Variants in BRIP1 observed in about 807,000 individuals in gnomAD.
BRIP1 encodes Fanconi anemia group J protein.
Under a neutral mutation model 119.7 loss-of-function variants are expected in BRIP1, and 88 were observed. That is an observed-to-expected ratio of 0.74 (90% CI 0.62 to 0.88). The LOEUF is 0.88. BRIP1 is among the 40% of genes least tolerant of loss of function. The probability of loss-of-function intolerance (pLI) is 0.00; values close to 1 mark genes in which losing one functional copy is unlikely to be tolerated. For synonymous variants in BRIP1, 443 were observed against 496.5 expected, an observed-to-expected ratio of 0.89 and a Z score of 1.43; for missense variants, 1,259 against 1,455.4, an observed-to-expected ratio of 0.87 and a Z score of 2.20.
intron 14 of BRIP1, among the ~76,000 whole-genome samples, chr17:61,772,832 A>AAAC (rs2077477755): frequency 6.6e-6 from 1 of 151,268 alleles, no homozygotes. Flanking sequence ...AAAAAAAAAA[A>AAAC]AAAAAAAAAA....
In BRIP1 at chr17:61,793,229, G is replaced by T. The variant is rs1567824702; in HGVS notation, c.1473+368C>A. 6.6e-6 allele frequency among the ~76,000 whole-genome samples: 1 copy of T among 151,894 alleles called. No homozygotes were observed. Among genetic ancestry groups the T allele is most frequent in the Non-Finnish European group, 1.5e-5 (1 of 67,970 alleles). ...CTCATGATCTCTCCATGAATATCAG[G>T]TTTATAATTTCTAAATTAAGATGAA... is the stretch of plus-strand genomic sequence containing the variant. On this transcript the variant is annotated intron_variant, in intron 10 of 19. Coordinates refer to ENST00000259008, the MANE Select transcript of BRIP1 (RefSeq NM_032043.3). The surrounding 1 kb of genome is among the most constrained non-coding windows in gnomAD (Gnocchi z 5.2).
chr17:61,859,244 C>G (rs918922542), intron 3 of BRIP1, among the ~76,000 whole-genome samples: 1 of 152,042 alleles, frequency 6.6e-6, no homozygotes, highest in Non-Finnish European at 1.5e-5. Flanking sequence ...GATTTCCCCC[C>G]CCAAAAAAAG....
chr17:61,718,445 A>G (rs185521523), intron 16 of BRIP1, among the ~76,000 whole-genome samples: 21 of 152,300 alleles, frequency 1.4e-4, no homozygotes, highest in African/African-American at 4.6e-4. Context: ...CTTTGTAAGC[A>G]CTAGGAAGTT....
chr17:61,711,689 C>T (rs924571179), intron 17 of BRIP1, among the ~76,000 whole-genome samples: 12 of 151,696 alleles, frequency 7.9e-5, no homozygotes, highest in African/African-American at 2.2e-4. Flanking sequence ...GCCAACATAG[C>T]GAAACCCGTC....
rs1034289021 is a variant in BRIP1 at position 61,691,951 on chromosome 17, C to G, written c.2575+1479G>C. ...ATAATAGAGAGCTCAGAAGCAGATC[C>G]ACACATATATGGTCAGCGGATCTTC... On this transcript the variant is annotated intron_variant, in intron 18 of 19. Coordinates refer to ENST00000259008, the MANE Select transcript of BRIP1 (RefSeq NM_032043.3). The surrounding 1 kb of genome is among the most constrained non-coding windows in gnomAD (Gnocchi z 5.0). Among the ~76,000 whole-genome samples the G allele has an allele frequency of 6.6e-6, 1 of 151,332 alleles. No homozygotes were observed. The highest frequency in any genetic ancestry group is 2.4e-5 in the African/African-American group (1 of 41,120).
rs1392207473 is a variant in BRIP1 at position 61,739,917 on chromosome 17, AAT to A, written c.2379+3094_2379+3095del. On this transcript the variant is annotated intron_variant, in intron 16 of 19. Transcript: ENST00000259008. The surrounding 1 kb of genome is among the most constrained non-coding windows in gnomAD (Gnocchi z 6.0). ...TATTGTTTAGGAAACAGTCAGTGATAATGAGATACAACTGTTTCTGGCCAAGA... is the reference window on the plus strand; with the variant it reads ...TATTGTTTAGGAAACAGTCAGTGATAGAGATACAACTGTTTCTGGCCAAGA... 4.3e-4 allele frequency among the ~76,000 whole-genome samples: 65 copies of A among 152,338 alleles called. No individual in the cohort carries two copies. The highest frequency in any genetic ancestry group is 1.6e-3 in the African/African-American group (65 of 41,588).
chr17:61,831,105 G>A lies in BRIP1; in HGVS notation c.627+15996C>T, dbSNP rs914482532. ...TTATAAAAATGTTCAGCCAACTAGC[G>A]ATAGAAGGAAACTTCTTTAGCCTGA... On this transcript the variant is annotated intron_variant, in intron 6 of 19. Coordinates refer to ENST00000259008, the MANE Select transcript of BRIP1 (RefSeq NM_032043.3). The surrounding 1 kb of genome is among the most constrained non-coding windows in gnomAD (Gnocchi z 4.1). Among the ~76,000 whole-genome samples, 4 of 152,130 alleles carry A rather than the reference G, an allele frequency of 2.6e-5. No homozygotes were observed. The highest frequency in any genetic ancestry group is 6.5e-5 in the Admixed American group (1 of 15,274).
Position 61,776,184 on chromosome 17 carries a change from G to A in BRIP1, c.2097+217C>T. 1 of 550,122 alleles carries A rather than the reference G, an allele frequency of 1.8e-6. No individual in the cohort carries two copies. The highest frequency in any genetic ancestry group is 2.1e-5 in the South Asian group (1 of 48,064). The allele number at this position is 550,122 out of a possible 1,614,324, so 34.1% of individuals were successfully genotyped here. On this transcript the variant is annotated intron_variant, in intron 14 of 19. Transcript: ENST00000259008. This position sits in a 1 kb window ranked among gnomAD's most constrained non-coding sequence, Gnocchi z 5.0. ...AGCATGAGCCACCACGTCCAGCCTT[G>A]CTCTTTCAGACTTTTAAGTAAAACA...
Position 61,845,006 on chromosome 17 carries a change from GA to G in BRIP1, c.627+2094del. On this transcript the variant is annotated intron_variant, in intron 6 of 19. Transcript: ENST00000259008. The surrounding 1 kb of genome is among the most constrained non-coding windows in gnomAD (Gnocchi z 4.2). The stretch of plus-strand genomic sequence containing the variant: ...TATTCTAGGCATGAGGGACACACAT[GA>G]AAAAGACTGACATTACATCGTAATA... 6.6e-6 allele frequency among the ~76,000 whole-genome samples: 1 copy of G among 152,256 alleles called. No individual in the cohort carries two copies. The highest frequency in any genetic ancestry group is 2.1e-4 in the South Asian group (1 of 4,828).
chr17:61,817,819 A>G (rs1416798230), intron 6 of BRIP1, among the ~76,000 whole-genome samples: 1 of 152,228 alleles, frequency 6.6e-6, no homozygotes, highest in Non-Finnish European at 1.5e-5. Flanking sequence ...TTCAAGTTAG[A>G]AAGGAAAAAG....
chr17:61,719,130 T>TG (rs2144431279), intron 16 of BRIP1, among the ~76,000 whole-genome samples: 1 of 151,970 alleles, frequency 6.6e-6, no homozygotes, highest in African/African-American at 2.4e-5. Flanking sequence ...AATAAAGATA[T>TG]GTGGAGTTAC....
chr17:61,858,505 C>T (rs1327936791), intron 3 of BRIP1, among the ~76,000 whole-genome samples: 1 of 151,952 alleles, frequency 6.6e-6, no homozygotes, highest in African/African-American at 2.4e-5. Context: ...TCTCGAGTAG[C>T]TGGGATTACA....
intron 17 of BRIP1, among the ~76,000 whole-genome samples, chr17:61,702,207 G>C (rs184460767): frequency 1.5e-3 from 230 of 152,214 alleles, no homozygotes; most frequent in Admixed American, 2.6e-3. Flanking sequence ...ACTCTGTTGA[G>C]GACATCTTCA....
In BRIP1 at chr17:61,784,354, T is replaced by C; in HGVS notation, c.1544A>G (p.Glu515Gly). ...AGTTGATGCACTAATAACAGGTACT[T>C]CTCTTGCCTCCTCTTTACCATAAAT... ...SPIYGKEEAREVPVISASTQI... is the reference protein window; with the variant it reads ...SPIYGKEEARGVPVISASTQI... Residue 515 changes from glutamate (E) to glycine (G), a missense_variant, in exon 11 of 20, where the codon GAA (glutamate) becomes GGA (glycine). Around this residue, in one of 3 missense-constraint regions of BRIP1, gnomAD observed 753 missense variants for 891.8 expected, o/e 0.84. Transcript: ENST00000259008. The C allele has an allele frequency of 6.2e-7, 1 of 1,613,320 alleles. No individual in the cohort carries two copies. The highest frequency in any genetic ancestry group is 2.2e-5 in the East Asian group (1 of 44,830).
rs2061905790 is a variant in BRIP1, at chr17:61,717,832, CAT to C, written c.2380-1771_2380-1770del. On this transcript the variant is annotated intron_variant, in intron 16 of 19. Coordinates refer to ENST00000259008, the MANE Select transcript of BRIP1 (RefSeq NM_032043.3). This position sits in a 1 kb window ranked among gnomAD's most constrained non-coding sequence, Gnocchi z 4.1. ...TATTAGACTACTTTATATTACTCCACATGTCACTGACCCTCTTTTTTTTCACT... is the reference window on the plus strand; with the variant it reads ...TATTAGACTACTTTATATTACTCCACGTCACTGACCCTCTTTTTTTTCACT... Among the ~76,000 whole-genome samples, 2 of 152,064 alleles carry C rather than the reference CAT, an allele frequency of 1.3e-5. No homozygotes were observed. The highest frequency in any genetic ancestry group is 2.1e-4 in the South Asian group (1 of 4,832).
At position 61,720,469 on chromosome 17, in the gene BRIP1, C is replaced by T. The variant is rs2061955540; in HGVS notation, c.2380-4406G>A. On this transcript the variant is annotated intron_variant, in intron 16 of 19. Transcript: ENST00000259008. The surrounding 1 kb of genome is among the most constrained non-coding windows in gnomAD (Gnocchi z 4.3). ...TCAAGATATATTAACAAAACTTATACAGCAGTTCCCTCTTATCTGCAGTGG... is the reference window on the plus strand; with the variant it reads ...TCAAGATATATTAACAAAACTTATATAGCAGTTCCCTCTTATCTGCAGTGG... Among the ~76,000 whole-genome samples, 1 of 152,190 alleles carries T rather than the reference C, an allele frequency of 6.6e-6. No individual in the cohort carries two copies. The highest frequency in any genetic ancestry group is 2.4e-5 in the African/African-American group (1 of 41,438).
At chr17:61,715,102 A>C (rs2061839714) in intron 17 of BRIP1, among the ~76,000 whole-genome samples, 1 of 151,078 alleles carries the variant, frequency 6.6e-6, no homozygotes, top group Non-Finnish European at 1.5e-5. Context: ...CAGGAGGCTG[A>C]GGCAGGAGAA....
rs545307043 is a variant in BRIP1, at chr17:61,757,052, T to C, written c.2098-12461A>G. 6.6e-6 allele frequency among the ~76,000 whole-genome samples: 1 copy of C among 152,354 alleles called. No homozygotes were observed. Among genetic ancestry groups the C allele is most frequent in the South Asian group, 2.1e-4 (1 of 4,832 alleles). ...CATTATTCATTTCATGAGGTACTCA[T>C]ATGTTTTAAATGTTTACTTTCTTTT... is the stretch of plus-strand genomic sequence containing the variant. On this transcript the variant is annotated intron_variant, in intron 14 of 19. Coordinates refer to ENST00000259008, the MANE Select transcript of BRIP1 (RefSeq NM_032043.3). The surrounding 1 kb of genome is among the most constrained non-coding windows in gnomAD (Gnocchi z 4.3).
intron 10 of BRIP1, among the ~76,000 whole-genome samples, chr17:61,786,896 T>C (rs540608861): frequency 9.1e-6 from 1 of 109,750 alleles, no homozygotes; most frequent in African/African-American, 3.6e-5. Flanking sequence ...TAAATATATT[T>C]TATATATAAT....
Sources: gnomAD v4.1 joint callset for allele counts (sites outside exome capture counted in the v4.1 genomes callset) on GRCh38, gnomAD v4.1.1 for gene constraint, gnomAD v4.1.1 regional missense constraint, Gnocchi (gnomAD v3.1) non-coding constraint, MANE v1.5 for transcripts, NCBI Gene and HGNC (gene_info 2026-07-23, HGNC 2026-07-21) for gene names.